UTRN: variants seen among roughly 807,000 people sequenced by gnomAD.
UTRN encodes utrophin, also known as dystrophin-related protein 1.
A neutral mutation model predicts 463.9 loss-of-function variants in UTRN; 283 were observed. The ratio of observed to expected loss-of-function variants is 0.61; its 90% confidence interval spans 0.55 to 0.67. The LOEUF (loss-of-function observed/expected upper bound fraction) is 0.67, where lower values mean the gene tolerates loss of function less well. Ranked by LOEUF, UTRN falls within the 30% of genes least tolerant of loss-of-function variation. The pLI, the probability that UTRN is intolerant of heterozygous loss-of-function variation, is 0.00. For missense variants in UTRN, 3,922 were observed against 4,084.3 expected (o/e 0.96, Z 1.08); for synonymous variants, 1,442 against 1,431.5 (o/e 1.01, Z -0.17).
intron 53 of UTRN, among the ~76,000 whole-genome samples, chr6:144,727,222 G>C (rs756773025): frequency 6.6e-6 from 1 of 152,104 alleles, no homozygotes; most frequent in East Asian, 1.9e-4. Flanking sequence ...TTTATGTCCC[G>C]TCTTCTCTCA....
chr6:144,468,258 T>C (rs1449402073), intron 23 of UTRN, among the ~76,000 whole-genome samples: 3 of 152,172 alleles, frequency 2.0e-5, no homozygotes, highest in Admixed American at 6.5e-5. Context: ...GGAATTGTTT[T>C]AATGACCTTG....
intron 53 of UTRN, among the ~76,000 whole-genome samples, chr6:144,728,761 T>C (rs1364531131): frequency 6.6e-6 from 1 of 152,246 alleles, no homozygotes; most frequent in Non-Finnish European, 1.5e-5. Context: ...ATATCTTAAT[T>C]GTGGATTTTT....
chr6:144,820,100 G>A (rs1562949456), intron 65 of UTRN, among the ~76,000 whole-genome samples: 1 of 138,104 alleles, frequency 7.2e-6, no homozygotes, highest in East Asian at 2.5e-4. Flanking sequence ...ATAGAAACTA[G>A]AATTGTGATA....
At position 144,667,024 on chromosome 6, in the gene UTRN, T is replaced by TCC. The variant is rs1780475245; in HGVS notation, c.7480-11382_7480-11381insCC. Among the ~76,000 whole-genome samples the TCC allele has an allele frequency of 2.0e-5, 3 of 151,392 alleles. No individual in the cohort carries two copies. In the East Asian group the frequency reaches 5.9e-4, roughly 30 times the overall value. On this transcript the variant is annotated intron_variant, in intron 51 of 74. Coordinates refer to ENST00000367545, the MANE Select transcript of UTRN (RefSeq NM_007124.3). ...CCACTACTACTTCTTCTTCCTCTTC[T>TCC]TCCTCCTCCTCCTCCTCCTCCTCCT... is the stretch of plus-strand genomic sequence containing the variant.
chr6:144,717,627 C>CTTTTTTTTTTTTTTTTTT (rs1333769413), intron 53 of UTRN, among the ~76,000 whole-genome samples: 3 of 112,680 alleles, frequency 2.7e-5, no homozygotes, highest in African/African-American at 8.7e-5. Context: ...TTTTTCTTTT[C>CTTTTTTTTTTTTTTTTTT]TTTTTTCTTT....
intron 58 of UTRN, among the ~76,000 whole-genome samples, chr6:144,764,232 A>G (rs1586449703): frequency 1.3e-5 from 2 of 152,170 alleles, no homozygotes; most frequent in Admixed American, 6.5e-5. Flanking sequence ...GCATAAGCAT[A>G]CCTTGGCTAA....
At chr6:144,367,404 A>C (rs377624802) in intron 2 of UTRN, among the ~76,000 whole-genome samples, 2 of 151,070 alleles carry the variant, frequency 1.3e-5, no homozygotes, top group African/African-American at 4.9e-5. Flanking sequence ...TTTTTGGTTA[A>C]TTTTACAGAT....
intron 51 of UTRN, among the ~76,000 whole-genome samples, chr6:144,668,927 G>C (rs1271007241): frequency 2.0e-5 from 3 of 152,162 alleles, no homozygotes; most frequent in African/African-American, 4.8e-5. Flanking sequence ...CAGATTCATT[G>C]CCTGAAATGC....
intron 51 of UTRN, among the ~76,000 whole-genome samples, chr6:144,580,463 T>C (rs1801866051): frequency 6.6e-6 from 1 of 152,190 alleles, no homozygotes; most frequent in African/African-American, 2.4e-5. Flanking sequence ...TGAATTTTGA[T>C]AAGGATAGGT....
At chr6:144,428,964 T>C in intron 8 of UTRN, 71 bp downstream of exon 8, 1 of 1,009,732 alleles carries the variant, frequency 9.9e-7, no homozygotes, top group Non-Finnish European at 1.4e-6. Context: ...GCAGTGTTTC[T>C]TTGTCCTTTT....
At chr6:144,792,316 G>T (rs1166435624) in intron 62 of UTRN, among the ~76,000 whole-genome samples, 1 of 152,236 alleles carries the variant, frequency 6.6e-6, no homozygotes, top group Non-Finnish European at 1.5e-5. Context: ...GGAGGCCGAT[G>T]TAGGGCAGAT....
chr6:144,632,900 T>C (rs1247059241), intron 51 of UTRN, among the ~76,000 whole-genome samples: 1 of 152,026 alleles, frequency 6.6e-6, no homozygotes. Flanking sequence ...TTTGTATTTT[T>C]AGTAGAGACA....
intron 51 of UTRN, among the ~76,000 whole-genome samples, chr6:144,673,047 T>C (rs1021188596): frequency 6.6e-6 from 1 of 152,160 alleles, no homozygotes; most frequent in South Asian, 2.1e-4. Flanking sequence ...GCACTTGATA[T>C]AATTTTGATT....
At chr6:144,598,807 C>G (rs1439378323) in intron 51 of UTRN, among the ~76,000 whole-genome samples, 1 of 152,164 alleles carries the variant, frequency 6.6e-6, no homozygotes, top group African/African-American at 2.4e-5. Flanking sequence ...GCATGTCCAA[C>G]CACCCATTCC....
In UTRN at chr6:144,493,473, C is replaced by T; in HGVS notation, c.4593+17C>T. On this transcript the variant is annotated intron_variant, in intron 33 of 74. Coordinates refer to ENST00000367545, the MANE Select transcript of UTRN (RefSeq NM_007124.3). ...GGCGCACAGGTGAGGAGAGCAGCCC[C>T]ACAGCTCATCTCTCTGTCTCTCTCT... 6.2e-7 allele frequency: 1 copy of T among 1,608,054 alleles called. No individual in the cohort carries two copies. Among genetic ancestry groups the T allele is most frequent in the Non-Finnish European group, 8.5e-7 (1 of 1,175,702 alleles).
Position 144,444,131 on chromosome 6 carries a change from G to A in UTRN, c.1513-150G>A, listed in dbSNP as rs558519203. ...TCTGATTCATACATTTCTAGGCCTA[G>A]TCTGTTATTTTAAAGCAATTTTTAT... On this transcript the variant is annotated intron_variant, in intron 13 of 74. Transcript: ENST00000367545. The A allele has an allele frequency of 2.0e-4, 110 of 547,188 alleles. 3 individuals carry two copies. The South Asian group carries it at 2.4e-3, about 12-fold the overall frequency. The allele number at this position is 547,188 out of a possible 1,614,324, so 33.9% of individuals were successfully genotyped here.
chr6:144,621,560 T>C lies in UTRN; in HGVS notation c.7479+44272T>C, dbSNP rs991014527. On this transcript the variant is annotated intron_variant, in intron 51 of 74. Coordinates refer to ENST00000367545, the MANE Select transcript of UTRN (RefSeq NM_007124.3). ...ATGCAATTCTCTTCTCAGATTTGTA[T>C]ATTCTCTCCTTGATGGCAATGCAGA... is the stretch of plus-strand genomic sequence containing the variant. Among the ~76,000 whole-genome samples, 34 of 152,210 alleles carry C rather than the reference T, an allele frequency of 2.2e-4. 1 individual carries two copies. The highest frequency in any genetic ancestry group is 5.0e-4 in the Non-Finnish European group (34 of 68,028).
chr6:144,368,788 A>C (rs1385546984), intron 2 of UTRN, among the ~76,000 whole-genome samples: 2 of 152,142 alleles, frequency 1.3e-5, no homozygotes, highest in East Asian at 3.8e-4. Context: ...AAAGGATTAT[A>C]AATGAATAAA....
intron 9 of UTRN, among the ~76,000 whole-genome samples, chr6:144,434,027 C>A (rs894965042): frequency 1.3e-5 from 2 of 152,202 alleles, no homozygotes; most frequent in Non-Finnish European, 1.5e-5. Context: ...GCCGAGATCA[C>A]GCCACTGCAC....
Sources: allele counts gnomAD v4.1 joint callset (sites outside exome capture counted in the v4.1 genomes callset), GRCh38; gene constraint gnomAD v4.1.1; transcripts MANE v1.5; gene names NCBI Gene and HGNC (gene_info 2026-07-23, HGNC 2026-07-21).